Variants in DMD observed in about 807,000 individuals in gnomAD.
DMD encodes the protein mutant dystrophin.
In DMD, 63 loss-of-function variants were observed where a neutral mutation model predicts 330.1. The observed-to-expected ratio is 0.19, with a 90% CI of 0.16 to 0.24. The LOEUF (loss-of-function observed/expected upper bound fraction) is 0.24, where lower values mean the gene tolerates loss of function less well. DMD is among the 10% of genes least tolerant of loss of function. The pLI, the probability that DMD is intolerant of heterozygous loss-of-function variation, is 1.00. For synonymous variants in DMD, 1,223 were observed against 959.8 expected (o/e 1.27, Z -5.07); for missense variants, 3,344 against 2,684.1 (o/e 1.25, Z -5.43).
rs747164560 is a variant in DMD at position 31,615,099 on chromosome X, C to T, written c.8217+12574G>A. On this transcript the variant is annotated intron_variant, in intron 55 of 78. Coordinates refer to ENST00000357033, the MANE Select transcript of DMD (RefSeq NM_004006.3). ...TTTTTGTTTTGGTCTAGAAAGTCTG[C>T]TCCCAAAGACCAATAACCCTAAAAA... Among the ~76,000 whole-genome samples, 192 of 111,581 alleles carry T rather than the reference C, an allele frequency of 1.7e-3. 1 individual carries two copies. The highest frequency in any genetic ancestry group is 6.1e-3 in the African/African-American group (188 of 30,816).
chrX:32,896,502 C>T (rs2085733467), intron 2 of DMD, among the ~76,000 whole-genome samples: 2 of 111,294 alleles, frequency 1.8e-5, no homozygotes, highest in Non-Finnish European at 3.8e-5. Flanking sequence ...GAGGGCTAAC[C>T]TATAGATTAG....
intron 43 of DMD, among the ~76,000 whole-genome samples, chrX:32,229,727 A>AC (rs2097162232): frequency 2.0e-5 from 1 of 49,555 alleles, no homozygotes; most frequent in African/African-American, 7.5e-5. Flanking sequence ...TATATATATA[A>AC]AATCAAAGAG....
intron 51 of DMD, among the ~76,000 whole-genome samples, chrX:31,749,699 G>C (rs9779518): frequency 0.11 from 11,280 of 102,818 alleles, 573 homozygotes; most frequent in East Asian, 0.22. Context: ...TCTAGTTCTA[G>C]ATCCCTGAGG....
At chrX:32,484,839 C>CAT in intron 21 of DMD, 80 bp downstream of exon 21, 1 of 1,016,585 alleles carries the variant, frequency 9.8e-7, no homozygotes, top group Non-Finnish European at 1.4e-6. Context: ...ATTATTGTTT[C>CAT]ATGTTAGTAC....
At chrX:32,669,925 C>A (rs1382389614) in intron 9 of DMD, among the ~76,000 whole-genome samples, 4 of 111,492 alleles carry the variant, frequency 3.6e-5, no homozygotes, top group Non-Finnish European at 7.5e-5. Flanking sequence ...CTCCTCCTCC[C>A]CTAACCATAT....
At chrX:31,366,826 T>A (rs1455464862) in intron 60 of DMD, among the ~76,000 whole-genome samples, 1 of 110,373 alleles carries the variant, frequency 9.1e-6, no homozygotes, top group Non-Finnish European at 1.9e-5. Context: ...GTCTGTCTGA[T>A]TTTTTTCTTC....
chrX:32,546,163 C>T (rs1202536797), intron 16 of DMD, among the ~76,000 whole-genome samples: 4 of 102,070 alleles, frequency 3.9e-5, no homozygotes, highest in Admixed American at 2.3e-4. Flanking sequence ...ATGGGCATTA[C>T]GAGATAGACA....
At chrX:31,872,148 T>A (rs1409255258) in intron 48 of DMD, among the ~76,000 whole-genome samples, 1 of 108,188 alleles carries the variant, frequency 9.2e-6, no homozygotes, top group Non-Finnish European at 1.9e-5. Context: ...ATTTTTGAAG[T>A]CTGCACTCCA....
At chrX:32,225,131 T>C (rs1373038356) in intron 43 of DMD, among the ~76,000 whole-genome samples, 17 of 112,154 alleles carry the variant, frequency 1.5e-4, no homozygotes, top group Admixed American at 8.6e-4. Flanking sequence ...CTCATTTGCT[T>C]TCAAAGCTTC....
At chrX:31,785,589 C>T (rs1044846494) in intron 50 of DMD, among the ~76,000 whole-genome samples, 7 of 110,792 alleles carry the variant, frequency 6.3e-5, no homozygotes, top group African/African-American at 2.0e-4. Context: ...TTTCTCCTAA[C>T]GTTATCCCTC....
intron 42 of DMD, among the ~76,000 whole-genome samples, chrX:32,294,719 GA>G (rs775709948): frequency 8.5e-4 from 95 of 111,296 alleles, no homozygotes; most frequent in African/African-American, 3.0e-3. Context: ...AAATTGGCTG[GA>G]GTCCAGGAAA....
At chrX:32,918,988 C>T (rs1053765230) in intron 2 of DMD, among the ~76,000 whole-genome samples, 1 of 111,995 alleles carries the variant, frequency 8.9e-6, no homozygotes, top group Non-Finnish European at 1.9e-5. Flanking sequence ...CGTTCAAAAG[C>T]TTGGTAGGTT....
intron 74 of DMD, among the ~76,000 whole-genome samples, chrX:31,152,621 C>T (rs889337131): frequency 2.7e-5 from 3 of 111,056 alleles, no homozygotes; most frequent in African/African-American, 9.9e-5. Flanking sequence ...GCAGCCTCAT[C>T]CTCCTGGGCT....
At chrX:32,253,100 G>T (rs2097283498) in intron 43 of DMD, among the ~76,000 whole-genome samples, 1 of 105,284 alleles carries the variant, frequency 9.5e-6, no homozygotes. Context: ...ATCATGGTGA[G>T]ATTTAAGGAT....
At chrX:32,168,042 C>T (rs1299227739) in intron 44 of DMD, among the ~76,000 whole-genome samples, 1 of 112,366 alleles carries the variant, frequency 8.9e-6, no homozygotes, top group Non-Finnish European at 1.9e-5. Context: ...ATCTTTTTGA[C>T]CTTAGTTTAT....
intron 9 of DMD, among the ~76,000 whole-genome samples, chrX:32,677,616 C>A (rs1325148585): frequency 5.4e-5 from 6 of 111,505 alleles, no homozygotes; most frequent in Non-Finnish European, 1.1e-4. Flanking sequence ...AAAATACCCA[C>A]CTTTACACAA....
chrX:32,809,511 T>G lies in DMD; in HGVS notation c.631A>C (p.Lys211Gln). 2 of 1,210,564 alleles carry G rather than the reference T, an allele frequency of 1.7e-6. No homozygotes were observed. The highest frequency in any genetic ancestry group is 4.6e-4 in the Middle Eastern group (2 of 4,348). The change falls in exon 7 of 79, where the codon AAA becomes CAA. Residue 211 changes from lysine to glutamine, a missense_variant. Transcript: ENST00000357033. ...TACCAACCTTCAGGATCGAGTAGTT[T>G]CTCTATGCCTAATTGATATCTGGCG... ...NIARYQLGIE[K>Q]LLDPEDVDTT...
intron 1 of DMD, among the ~76,000 whole-genome samples, chrX:33,147,124 T>C (rs2048074585): frequency 8.9e-6 from 1 of 111,782 alleles, no homozygotes; most frequent in African/African-American, 3.3e-5. Context: ...CGCTGGCCAA[T>C]AAATCTTAAA....
chrX:32,150,125 G>A (rs2096797058), intron 44 of DMD, among the ~76,000 whole-genome samples: 1 of 112,354 alleles, frequency 8.9e-6, no homozygotes, highest in South Asian at 3.7e-4. Flanking sequence ...GGGAGTAAAA[G>A]CACAGCAGGG....
Sources: gnomAD v4.1 joint callset for allele counts (sites outside exome capture counted in the v4.1 genomes callset) on GRCh38, gnomAD v4.1.1 for gene constraint, MANE v1.5 for transcripts, NCBI Gene and HGNC (gene_info 2026-07-23, HGNC 2026-07-21) for gene names.